Variants in ZMYND11 observed in about 807,000 individuals in gnomAD.
The protein encoded by ZMYND11 is zinc finger MYND-type containing 11, also known as zinc finger MYND domain-containing protein 11.
ZMYND11 carries 9 observed loss-of-function variants against 84.9 expected under a neutral mutation model. The observed-to-expected ratio is 0.11, with a 90% confidence interval of 0.06 to 0.18. The LOEUF is 0.18. ZMYND11 is among the 10% of genes least tolerant of loss of function. ZMYND11 has a pLI of 1.00. For synonymous variants in ZMYND11, 250 were observed against 244.1 expected, an observed-to-expected ratio of 1.02 and a Z score of -0.23; for missense variants, 409 against 761.0, an observed-to-expected ratio of 0.54 and a Z score of 5.44.
At chr10:203,468 T>C (rs1943598363) in intron 2 of ZMYND11, among the ~76,000 whole-genome samples, 1 of 152,146 alleles carries the variant, frequency 6.6e-6, no homozygotes, top group African/African-American at 2.4e-5. Flanking sequence ...TAAATGAGCA[T>C]ATGTACCAAT....
intron 1 of ZMYND11, among the ~76,000 whole-genome samples, chr10:139,190 A>G (rs2131097058): frequency 6.6e-6 from 1 of 152,318 alleles, no homozygotes; most frequent in East Asian, 1.9e-4. Context: ...ACAGTGTGAG[A>G]GTTCTTATTT....
Position 198,090 on chromosome 10 carries a change from T to A in ZMYND11, c.117-11799T>A, listed in dbSNP as rs116037006. 2.9e-4 allele frequency: 119 copies of A among 415,668 alleles called. 1 individual carries two copies. The highest frequency in any genetic ancestry group is 2.2e-3 in the African/African-American group (108 of 48,788). The allele number at this position is 415,668 out of a possible 1,614,324, so 25.7% of individuals were successfully genotyped here. A position where few individuals can be genotyped will look rare whatever the true frequency, so the allele number is the denominator to read the frequency against. On this transcript the variant is annotated intron_variant, in intron 2 of 14. Coordinates refer to ENST00000381604, the MANE Select transcript of ZMYND11 (RefSeq NM_001370100.5). ...AAAGATTCAAGCAAGCTGTAAAATA[T>A]ATAATTTATAATGGCCAAAATTGAG...
intron 10 of ZMYND11, among the ~76,000 whole-genome samples, 179 bp from the exon 11 acceptor site, chr10:246,587 A>G (rs1348794586): frequency 1.3e-5 from 2 of 152,110 alleles, no homozygotes; most frequent in East Asian, 3.9e-4. Context: ...AGCCTAAGTG[A>G]TTGTGGTTTT....
At chr10:176,282 T>A (rs1166717185) in intron 1 of ZMYND11, among the ~76,000 whole-genome samples, 2 of 152,266 alleles carry the variant, frequency 1.3e-5, no homozygotes, top group South Asian at 2.1e-4. Flanking sequence ...TTTTATTTTT[T>A]TTTTTAACTA....
intron 10 of ZMYND11, chr10:244,713 A>AT (rs1951766624): frequency 6.6e-6 from 1 of 152,366 alleles, no homozygotes; most frequent in African/African-American, 2.4e-5. Context: ...AGATTAGACT[A>AT]TTCCTCTTGT....
At chr10:240,288 G>A (rs1297181335) in intron 8 of ZMYND11, among the ~76,000 whole-genome samples, 177 bp downstream of exon 8, 4 of 152,094 alleles carry the variant, frequency 2.6e-5, no homozygotes, top group Admixed American at 2.0e-4. Flanking sequence ...GGCGGATCAC[G>A]AGATCAAGAG....
At chr10:201,585 T>TACACACACAC (rs56058145) in intron 2 of ZMYND11, among the ~76,000 whole-genome samples, 32,284 of 146,014 alleles carry the variant, frequency 0.22, 3,709 homozygotes, top group South Asian at 0.33. Context: ...TACCATGAAA[T>TACACACACAC]ACACACACAC....
Position 153,892 on chromosome 10 carries a change from C to G in ZMYND11, c.-20+18333C>G, listed in dbSNP as rs188372211. On this transcript the variant is annotated intron_variant, in intron 1 of 14. Transcript: ENST00000381604. The stretch of plus-strand genomic sequence containing the variant: ...AAAATTTCTTTTGCAGCCTCCTGAT[C>G]TGCAGAAGCTGCCTTGCCTTCAAAT... 3.0e-3 allele frequency among the ~76,000 whole-genome samples: 453 copies of G among 152,362 alleles called. 1 individual carries two copies. The highest frequency in any genetic ancestry group is 4.0e-3 in the Non-Finnish European group (270 of 68,032).
rs1950535912 is a variant in ZMYND11, at chr10:239,536, TTTG to T, written c.697+14_697+16del. The T allele has an allele frequency of 7.0e-7, 1 of 1,436,198 alleles. No homozygotes were observed. Among genetic ancestry groups the T allele is most frequent in the African/African-American group, 2.2e-5 (1 of 45,718 alleles). The allele number at this position is 1,436,198 out of a possible 1,614,324, so 89.0% of individuals were successfully genotyped here. ...TGATTTTCTATGGAGGTTGAATATT[TTTG>T]TTTTTTTTGTATGCATTTTTAAACA... On this transcript the variant is annotated intron_variant, in intron 7 of 14. Coordinates refer to ENST00000381604, the MANE Select transcript of ZMYND11 (RefSeq NM_001370100.5).
intron 8 of ZMYND11, among the ~76,000 whole-genome samples, 191 bp downstream of exon 8, chr10:240,302 G>T (rs1455564568): frequency 6.6e-6 from 1 of 152,106 alleles, no homozygotes; most frequent in Non-Finnish European, 1.5e-5. Context: ...TCAAGAGATC[G>T]AGACCATCCT....
Position 159,101 on chromosome 10 carries a change from T to C in ZMYND11, c.-19-20893T>C, listed in dbSNP as rs367768807. ...CACTTTATTTTTTCTTTAGTTGCAT[T>C]TTGACATGATCCCTCTTTTTTTTTT... On this transcript the variant is annotated intron_variant, in intron 1 of 14. Transcript: ENST00000381604. Among the ~76,000 whole-genome samples the C allele has an allele frequency of 6.5e-4, 99 of 151,270 alleles. 1 individual carries two copies. The highest frequency in any genetic ancestry group is 2.2e-3 in the African/African-American group (91 of 41,186).
chr10:144,007 T>TAAAA (rs34431705), intron 1 of ZMYND11, among the ~76,000 whole-genome samples: 4 of 145,022 alleles, frequency 2.8e-5, no homozygotes, highest in Non-Finnish European at 3.0e-5. Flanking sequence ...CTGCCTCAAT[T>TAAAA]AAAAAAAAAA....
At chr10:130,270 C>A (rs1480102950), upstream of ZMYND11, among the ~76,000 whole-genome samples, 1 of 152,160 alleles carries the variant, frequency 6.6e-6, no homozygotes, top group African/African-American at 2.4e-5. Flanking sequence ...CAGGATCCAG[C>A]CTGGGTTGGG....
chr10:226,860 G>T (rs1311966965), intron 4 of ZMYND11, among the ~76,000 whole-genome samples: 1 of 152,158 alleles, frequency 6.6e-6, no homozygotes, highest in East Asian at 1.9e-4. Context: ...TGAAATAAAA[G>T]GATCAAATTA....
intron 1 of ZMYND11, among the ~76,000 whole-genome samples, chr10:161,322 A>G (rs552554875): frequency 1.2e-4 from 18 of 152,204 alleles, no homozygotes; most frequent in Non-Finnish European, 2.4e-4. Context: ...TCTGTAAACC[A>G]TTCTGTTAAC....
At chr10:216,396 A>G (rs188373960) in intron 3 of ZMYND11, among the ~76,000 whole-genome samples, 12 of 152,302 alleles carry the variant, frequency 7.9e-5, no homozygotes, top group Admixed American at 5.2e-4. Context: ...AAGTTAATCA[A>G]TCGTATGTTT....
chr10:227,404 A>C (rs2448378), intron 4 of ZMYND11, among the ~76,000 whole-genome samples: 15,256 of 152,172 alleles, frequency 0.1, 940 homozygotes, highest in African/African-American at 0.18. Context: ...GTTAAGCCTC[A>C]TGTACTTTTT....
chr10:240,002 G>C (rs1950602189), intron 7 of ZMYND11, 54 bp from the exon 8 acceptor site: 2 of 1,455,414 alleles, frequency 1.4e-6, no homozygotes, highest in Non-Finnish European at 1.9e-6. Flanking sequence ...TAGTAACTTT[G>C]AGTCTTGTAT....
intron 14 of ZMYND11, among the ~76,000 whole-genome samples, chr10:250,130 G>T (rs1353071493): frequency 1.3e-5 from 2 of 152,278 alleles, no homozygotes; most frequent in Admixed American, 1.3e-4. Flanking sequence ...AGGTTTTGAG[G>T]AGCTGACAAG....
Sources: allele counts gnomAD v4.1 joint callset (sites outside exome capture counted in the v4.1 genomes callset), GRCh38; gene constraint gnomAD v4.1.1; transcripts MANE v1.5; gene names NCBI Gene and HGNC (gene_info 2026-07-23, HGNC 2026-07-21).